Variants in SNAPC1 observed in about 807,000 individuals in gnomAD.
The protein encoded by SNAPC1 is small nuclear RNA activating complex polypeptide 1, also known as snRNA-activating protein complex subunit 1.
A neutral mutation model predicts 50.1 loss-of-function variants in SNAPC1; 42 were observed. The ratio of observed to expected loss-of-function variants is 0.84; its 90% CI spans 0.65 to 1.08. The LOEUF (loss-of-function observed/expected upper bound fraction) is 1.08, where lower values mean the gene tolerates loss of function less well. Ranked by LOEUF, SNAPC1 falls within the 50% of genes least tolerant of loss-of-function variation. The probability of loss-of-function intolerance (pLI) is 0.00; values close to 1 mark genes in which losing one functional copy is unlikely to be tolerated. For missense variants in SNAPC1, 477 were observed against 427.3 expected, an observed-to-expected ratio of 1.12 and a Z score of -1.02; for synonymous variants, 164 against 144.2, an observed-to-expected ratio of 1.14 and a Z score of -0.98.
At chr14:61,783,105 C>T (rs923813048) in intron 8 of SNAPC1, among the ~76,000 whole-genome samples, 2 of 147,938 alleles carry the variant, frequency 1.4e-5, no homozygotes, top group East Asian at 4.0e-4. Flanking sequence ...TCACTGCAAC[C>T]TCCGCCTCCC....
At position 61,782,367 on chromosome 14, in the gene SNAPC1, G is replaced by A. The variant is rs1435357954; in HGVS notation, c.946G>A (p.Ala316Thr). The change falls in exon 8 of 10, where the codon GCA (alanine) becomes ACA (threonine). Residue 316 changes from alanine to threonine, a missense_variant. Coordinates refer to ENST00000216294, the MANE Select transcript of SNAPC1 (RefSeq NM_003082.4). The stretch of plus-strand genomic sequence containing the variant: ...AGAGAAGAAAGAAAGATTGAAACCA[G>A]CAGGAAGGAAGATGTCTCTCAGAAA... Reference protein sequence around the residue: ...KKEKKERLKPAGRKMSLRNKG... With the variant: ...KKEKKERLKPTGRKMSLRNKG... 3 of 1,612,876 alleles carry A rather than the reference G, an allele frequency of 1.9e-6. No homozygotes were observed. Among genetic ancestry groups the A allele is most frequent in the East Asian group, 2.2e-5 (1 of 44,844 alleles).
chr14:61,772,915 G>A (rs1408182859), intron 4 of SNAPC1, among the ~76,000 whole-genome samples: 2 of 152,022 alleles, frequency 1.3e-5, no homozygotes, highest in Non-Finnish European at 2.9e-5. Context: ...AGTTATCCTG[G>A]CTCTGTCGGA....
At chr14:61,766,675 C>G (rs367914709) in intron 1 of SNAPC1, among the ~76,000 whole-genome samples, 2 of 152,164 alleles carry the variant, frequency 1.3e-5, no homozygotes, top group East Asian at 3.8e-4. Context: ...AAAGTTGATG[C>G]TTTTGGAAGC....
chr14:61,768,698 A>G lies in SNAPC1; in HGVS notation c.492A>G (p.Pro164=). The G allele has an allele frequency of 6.2e-7, 1 of 1,612,300 alleles. No individual in the cohort carries two copies. Among genetic ancestry groups the G allele is most frequent in the South Asian group, 1.1e-5 (1 of 90,992 alleles). ...AAGTTACAGAAGAATTTAAGGACCC[A>G]AGTGATCGTGTGATGAAACTTATCA... The part of the protein sequence containing the change: ...RAEVTEEFKD[P]SDRVMKLITS... The change falls in exon 4 of 10, where the codon CCA becomes CCG. Residue 164 remains proline, a synonymous_variant. Transcript: ENST00000216294.
At position 61,782,285 on chromosome 14, in the gene SNAPC1, C is replaced by T; in HGVS notation, c.864C>T (p.Asp288=). ...GAAGGCATCGTCAAGTCAAACTCGA[C>T]TCTTCTGACTCTGATTCTGCATCTG... The part of the protein sequence containing the change: ...KSRRHRQVKL[D]SSDSDSASGQ... Residue 288 remains aspartate, a synonymous_variant, in exon 8 of 10, where the codon GAC becomes GAT. Coordinates refer to ENST00000216294, the MANE Select transcript of SNAPC1 (RefSeq NM_003082.4). 6.2e-7 allele frequency: 1 copy of T among 1,608,522 alleles called. No homozygotes were observed. The highest frequency in any genetic ancestry group is 8.5e-7 in the Non-Finnish European group (1 of 1,178,208).
At chr14:61,764,028 G>T (rs370147574) in intron 1 of SNAPC1, among the ~76,000 whole-genome samples, 1 of 151,958 alleles carries the variant, frequency 6.6e-6, no homozygotes, top group African/African-American at 2.4e-5. Context: ...TCCACCTCCC[G>T]GGTTCAAGAG....
intron 1 of SNAPC1, 30 bp downstream of exon 1, chr14:61,762,618 TC>T (rs2044914452): frequency 5.6e-6 from 9 of 1,612,066 alleles, no homozygotes; most frequent in Non-Finnish European, 7.6e-6. Context: ...CACCCGCCTC[TC>T]CCTGCCCGCA....
At position 61,767,263 on chromosome 14, in the gene SNAPC1, T is replaced by G; in HGVS notation, c.340T>G (p.Leu114Val). The G allele has an allele frequency of 6.6e-7, 1 of 1,524,872 alleles. No homozygotes were observed. 94.5% of individuals were successfully genotyped at this position (1,524,872 alleles called of 1,614,324 possible). ...TGAAGTTTTAAAATTTCAGCAAGAT[T>G]TAGTAAATGCACAGCATTTTGATGC... Reference protein sequence around the residue: ...WDEVLKFQQDLVNAQHFDAAY... With the variant: ...WDEVLKFQQDVVNAQHFDAAY... The change falls in exon 3 of 10, where the codon TTA (leucine) becomes GTA (valine). Residue 114 changes from leucine (L) to valine (V), a missense_variant. Coordinates refer to ENST00000216294, the MANE Select transcript of SNAPC1 (RefSeq NM_003082.4).
chr14:61,790,667 C>T (rs2045145701), intron 8 of SNAPC1, among the ~76,000 whole-genome samples: 1 of 152,144 alleles, frequency 6.6e-6, no homozygotes, highest in Non-Finnish European at 1.5e-5. Context: ...CCAACTTTTT[C>T]TCACATGTCC....
chr14:61,786,779 A>C (rs2045118036), intron 8 of SNAPC1, among the ~76,000 whole-genome samples: 1 of 152,262 alleles, frequency 6.6e-6, no homozygotes, highest in Non-Finnish European at 1.5e-5. Flanking sequence ...CATCCGACCC[A>C]GAAATACTAT....
At chr14:61,790,915 C>T (rs886332934) in intron 8 of SNAPC1, among the ~76,000 whole-genome samples, 47 of 152,228 alleles carry the variant, frequency 3.1e-4, no homozygotes, top group African/African-American at 1.1e-3. Context: ...GCACCCCACA[C>T]ATTTAGCTTT....
At chr14:61,783,937 C>T (rs1279590247) in intron 8 of SNAPC1, among the ~76,000 whole-genome samples, 3 of 152,094 alleles carry the variant, frequency 2.0e-5, no homozygotes, top group Non-Finnish European at 2.9e-5. Flanking sequence ...AAAAAAGGAG[C>T]GTTAGAAACA....
At chr14:61,767,085 C>A (rs756446737) in intron 2 of SNAPC1, 50 bp downstream of exon 2, 1 of 1,238,682 alleles carries the variant, frequency 8.1e-7, no homozygotes, top group Non-Finnish European at 1.1e-6. Context: ...AAACAAGTAC[C>A]ATATTTTTAT....
chr14:61,778,969 A>G (rs1345103818), intron 7 of SNAPC1, 59 bp downstream of exon 7: 11 of 961,938 alleles, frequency 1.1e-5, no homozygotes, highest in Middle Eastern at 2.6e-4. Flanking sequence ...TTATATTTCA[A>G]TTTTTCATCA....
At chr14:61,792,302 G>A (rs1036822053) in intron 8 of SNAPC1, among the ~76,000 whole-genome samples, 1 of 152,174 alleles carries the variant, frequency 6.6e-6, no homozygotes, top group African/African-American at 2.4e-5. Context: ...GAAGGTTGAT[G>A]TAGAGAACCT....
At chr14:61,770,146 C>G (rs1239268163) in intron 4 of SNAPC1, among the ~76,000 whole-genome samples, 1 of 152,088 alleles carries the variant, frequency 6.6e-6, no homozygotes, top group Non-Finnish European at 1.5e-5. Flanking sequence ...TTTTCTCCAG[C>G]CCTACTCAGT....
chr14:61,764,882 C>T (rs1241966765), intron 1 of SNAPC1, among the ~76,000 whole-genome samples: 1 of 152,166 alleles, frequency 6.6e-6, no homozygotes, highest in Admixed American at 6.5e-5. Flanking sequence ...CCTACTACCC[C>T]CTTCCCTTCC....
At position 61,778,925 on chromosome 14, in the gene SNAPC1, A is replaced by C. The variant is rs189857211; in HGVS notation, c.825+15A>C. ...TTGTCATACAGGTAAGTTATTCTTT[A>C]ATAAGGTAATTTGGAAATTGACTGC... is the stretch of plus-strand genomic sequence containing the variant. On this transcript the variant is annotated intron_variant, in intron 7 of 9. Coordinates refer to ENST00000216294, the MANE Select transcript of SNAPC1 (RefSeq NM_003082.4). The C allele has an allele frequency of 2.7e-5, 38 of 1,416,994 alleles. No homozygotes were observed. In the Admixed American group the frequency reaches 6.3e-4, roughly 24 times the overall value. The allele number at this position is 1,416,994 out of a possible 1,614,324, so 87.8% of individuals were successfully genotyped here.
rs745468141 is a variant in SNAPC1, at chr14:61,782,282, C to T, written c.861C>T (p.Leu287=). The part of the protein sequence containing the change: ...SKSRRHRQVK[L]DSSDSDSASG... ...CAAGAAGGCATCGTCAAGTCAAACTCGACTCTTCTGACTCTGATTCTGCAT... is the reference window on the plus strand; with the variant it reads ...CAAGAAGGCATCGTCAAGTCAAACTTGACTCTTCTGACTCTGATTCTGCAT... The change falls in exon 8 of 10, where the codon CTC becomes CTT. Residue 287 remains leucine (L), a synonymous_variant. Transcript: ENST00000216294. 8.1e-6 allele frequency: 13 copies of T among 1,607,484 alleles called. No individual in the cohort carries two copies. In the African/African-American group the frequency reaches 1.3e-4, roughly 17 times the overall value.
Sources: gnomAD v4.1 joint callset for allele counts (sites outside exome capture counted in the v4.1 genomes callset) on GRCh38, gnomAD v4.1.1 for gene constraint, MANE v1.5 for transcripts, NCBI Gene and HGNC (gene_info 2026-07-23, HGNC 2026-07-21) for gene names.